ANKRD12: variants seen among roughly 807,000 people sequenced by gnomAD.
ANKRD12 encodes the protein ankyrin repeat domain 12.
In ANKRD12, 85 loss-of-function variants were observed where a neutral mutation model predicts 183.4. The ratio of observed to expected loss-of-function variants is 0.46; its 90% CI spans 0.39 to 0.56. The LOEUF (loss-of-function observed/expected upper bound fraction) is 0.56, where lower values mean the gene tolerates loss of function less well. Among genes scored for constraint, ANKRD12 ranks in the 20% least tolerant of loss-of-function variants. The pLI is 0.00. For missense variants in ANKRD12, 2,405 were observed against 2,357.1 expected (o/e 1.02, Z -0.42); for synonymous variants, 914 against 800.2 (o/e 1.14, Z -2.40).
chr18:9,276,790 A>G (rs536216959), intron 11 of ANKRD12, among the ~76,000 whole-genome samples: 1 of 152,338 alleles, frequency 6.6e-6, no homozygotes, highest in Admixed American at 6.5e-5. Flanking sequence ...TGAGGATGCT[A>G]TTAACATGAA....
At chr18:9,166,291 G>A (rs1343612292) in intron 1 of ANKRD12, among the ~76,000 whole-genome samples, 4 of 152,080 alleles carry the variant, frequency 2.6e-5, no homozygotes, top group South Asian at 2.1e-4. Context: ...CTGAGGAATC[G>A]CCACACTGAC....
At chr18:9,158,944 G>A (rs1463837613) in intron 1 of ANKRD12, among the ~76,000 whole-genome samples, 1 of 152,152 alleles carries the variant, frequency 6.6e-6, no homozygotes, top group Non-Finnish European at 1.5e-5. Context: ...ACTATATTCT[G>A]TTTTTCAATT....
chr18:9,271,321 C>A (rs985904434), intron 10 of ANKRD12, among the ~76,000 whole-genome samples: 5 of 152,066 alleles, frequency 3.3e-5, no homozygotes, highest in African/African-American at 1.2e-4. Flanking sequence ...GTGAGGAGAT[C>A]GAGACCATCC....
rs763620980 is a variant in ANKRD12 at position 9,258,160 on chromosome 18, TGAAAAA to T, written c.4899_4904del (p.Lys1633_Glu1634del). 17 of 1,613,788 alleles carry T rather than the reference TGAAAAA, an allele frequency of 1.1e-5. No homozygotes were observed. Among genetic ancestry groups the T allele is most frequent in the Non-Finnish European group, 4.2e-6 (5 of 1,179,954 alleles). Reference sequence around the variant, plus strand: ...CAACTGATACTCAGGTCATTTCACATGAAAAAGAAAACAAACTGGAGAGTTTGGTTT... The same window carrying T: ...CAACTGATACTCAGGTCATTTCACATGAAAACAAACTGGAGAGTTTGGTTT... On this transcript the variant is annotated inframe_deletion, in exon 9 of 13. Transcript: ENST00000262126.
At chr18:9,139,475 T>G (rs1288369512) in intron 1 of ANKRD12, among the ~76,000 whole-genome samples, 2 of 152,380 alleles carry the variant, frequency 1.3e-5, no homozygotes, top group Non-Finnish European at 2.9e-5. Context: ...TCATTTTGAT[T>G]TCTTGCTATT....
At chr18:9,166,989 C>T (rs1345773736) in intron 1 of ANKRD12, among the ~76,000 whole-genome samples, 1 of 152,170 alleles carries the variant, frequency 6.6e-6, no homozygotes, top group East Asian at 1.9e-4. Flanking sequence ...TTCCCCATTG[C>T]TTGTTTTTCT....
At chr18:9,157,734 A>G (rs2143712333) in intron 1 of ANKRD12, among the ~76,000 whole-genome samples, 1 of 150,904 alleles carries the variant, frequency 6.6e-6, no homozygotes, top group East Asian at 1.9e-4. Flanking sequence ...TGTTATGTAT[A>G]TTTAATCACA....
rs140542634 is a variant in ANKRD12 at position 9,259,001 on chromosome 18, G to A, written c.5664+70G>A. The A allele has an allele frequency of 4.1e-5, 59 of 1,451,586 alleles. No individual in the cohort carries two copies. The African/African-American group carries it at 5.9e-4, about 14-fold the overall frequency. 89.9% of individuals were successfully genotyped at this position (1,451,586 alleles called of 1,614,324 possible). ...TAGAAGTATAATGCTAGCCACATAC[G>A]TAATTTGAAGTTTTCTAGTAGATAG... On this transcript the variant is annotated intron_variant, in intron 9 of 12. Transcript: ENST00000262126.
intron 3 of ANKRD12, among the ~76,000 whole-genome samples, chr18:9,203,178 GT>G (rs1225771634): frequency 6.6e-6 from 1 of 152,098 alleles, no homozygotes; most frequent in East Asian, 1.9e-4. Flanking sequence ...TTCATTGAAA[GT>G]TTTACCATTC....
At chr18:9,280,011 T>C (rs1598796389) in intron 12 of ANKRD12, among the ~76,000 whole-genome samples, 1 of 152,146 alleles carries the variant, frequency 6.6e-6, no homozygotes, top group Admixed American at 6.5e-5. Flanking sequence ...CAGAAGTCTT[T>C]CCCCCCTAGA....
At chr18:9,247,894 C>G (rs2038057374) in intron 8 of ANKRD12, among the ~76,000 whole-genome samples, 1 of 152,176 alleles carries the variant, frequency 6.6e-6, no homozygotes, top group Non-Finnish European at 1.5e-5. Context: ...TCAAGCGATT[C>G]TCCTGCCTTA....
intron 1 of ANKRD12, among the ~76,000 whole-genome samples, chr18:9,162,010 A>C (rs1218607289): frequency 6.6e-6 from 1 of 152,084 alleles, no homozygotes; most frequent in Non-Finnish European, 1.5e-5. Flanking sequence ...CTACAGGGGC[A>C]TGCCACCACA....
chr18:9,255,999 A>T lies in ANKRD12; in HGVS notation c.2732A>T (p.His911Leu), dbSNP rs901728454. ...EKSREKMDRK[H>L]DKEKPEKERH... is the part of the protein sequence containing the mutation. ...AGTAGAGAAAAGATGGATAGGAAAC[A>T]TGACAAAGAAAAGCCTGAAAAAGAG... Residue 911 changes from histidine to leucine, a missense_variant, in exon 9 of 13, where the codon CAT becomes CTT. His to Leu is a moderately conservative substitution (Grantham distance 99). Around this residue, in one of 7 missense-constraint regions of ANKRD12, gnomAD observed 1,983 missense variants for 1,725.9 expected, o/e 1.15. Coordinates refer to ENST00000262126, the MANE Select transcript of ANKRD12 (RefSeq NM_015208.5). 1.3e-6 allele frequency: 2 copies of T among 1,564,956 alleles called. No individual in the cohort carries two copies. Among genetic ancestry groups the T allele is most frequent in the Non-Finnish European group, 1.7e-6 (2 of 1,164,762 alleles).
chr18:9,176,294 G>A (rs1199092583), intron 1 of ANKRD12, among the ~76,000 whole-genome samples: 1 of 151,514 alleles, frequency 6.6e-6, no homozygotes, highest in African/African-American at 2.4e-5. Context: ...TTTGAGACTG[G>A]GTCTGGCTCT....
chr18:9,238,611 CATT>C (rs1219767649), intron 8 of ANKRD12, among the ~76,000 whole-genome samples: 1 of 152,130 alleles, frequency 6.6e-6, no homozygotes, highest in Non-Finnish European at 1.5e-5. Context: ...TTTGAGCACT[CATT>C]ATAGGTTAGG....
At chr18:9,212,961 ATT>A (rs2035892921) in intron 6 of ANKRD12, among the ~76,000 whole-genome samples, 1 of 151,842 alleles carries the variant, frequency 6.6e-6, no homozygotes, top group African/African-American at 2.4e-5. Flanking sequence ...AAGAGCCTTT[ATT>A]TAGTCTAGAT....
In ANKRD12 at chr18:9,204,557, T is replaced by A; in HGVS notation, c.304+13T>A. ...AGGACATACTCAGGTAATTAGATTATCAGGTGTTCCTGTTTAGCCAGTGGT... is the reference window on the plus strand; with the variant it reads ...AGGACATACTCAGGTAATTAGATTAACAGGTGTTCCTGTTTAGCCAGTGGT... On this transcript the variant is annotated intron_variant, in intron 4 of 12. Transcript: ENST00000262126. 1 of 1,552,292 alleles carries A rather than the reference T, an allele frequency of 6.4e-7. No individual in the cohort carries two copies. The highest frequency in any genetic ancestry group is 8.8e-7 in the Non-Finnish European group (1 of 1,139,988).
Position 9,240,712 on chromosome 18 carries a change from T to C in ANKRD12, c.944-13499T>C, listed in dbSNP as rs184617938. ...CTCCTATAAATGCTCCTCACTTGCATACTTCAACTTAATCAAGAAAAATGC... is the reference window on the plus strand; with the variant it reads ...CTCCTATAAATGCTCCTCACTTGCACACTTCAACTTAATCAAGAAAAATGC... On this transcript the variant is annotated intron_variant, in intron 8 of 12. Coordinates refer to ENST00000262126, the MANE Select transcript of ANKRD12 (RefSeq NM_015208.5). Among the ~76,000 whole-genome samples the C allele has an allele frequency of 3.3e-5, 5 of 152,304 alleles. No homozygotes were observed. In the East Asian group the frequency reaches 9.6e-4, roughly 29 times the overall value.
Position 9,281,014 on chromosome 18 carries a change from A to G in ANKRD12, c.6077A>G (p.Lys2026Arg). The G allele has an allele frequency of 1.2e-6, 2 of 1,614,160 alleles. No homozygotes were observed. Among genetic ancestry groups the G allele is most frequent in the Non-Finnish European group, 1.7e-6 (2 of 1,180,014 alleles). ...GTCCAGAGGTTAGAATGGCAGCTCA[A>G]ACTCCAGGAACTTGATCCTGCCACC... ...NAVQRLEWQL[K>R]LQELDPATYK... The change falls in exon 13 of 13, where the codon AAA becomes AGA. Residue 2026 changes from lysine to arginine, a missense_variant. This residue lies in a region of ANKRD12 where 162 missense variants were observed against 272.2 expected (regional missense o/e 0.60). Transcript: ENST00000262126.
Sources: allele counts gnomAD v4.1 joint callset (sites outside exome capture counted in the v4.1 genomes callset), GRCh38; gene constraint gnomAD v4.1.1; regional missense constraint gnomAD v4.1.1; transcripts MANE v1.5; gene names NCBI Gene and HGNC (gene_info 2026-07-23, HGNC 2026-07-21).